MGAT5: variants seen among roughly 807,000 people sequenced by gnomAD.
MGAT5 encodes the protein alpha-1,6-mannosylglycoprotein 6-beta-N-acetylglucosaminyltransferase A.
In MGAT5, 30 loss-of-function variants were observed where a neutral mutation model predicts 94.3. The observed-to-expected ratio is 0.32, with a 90% confidence interval of 0.24 to 0.43. The LOEUF (loss-of-function observed/expected upper bound fraction) is 0.43. Among genes scored for constraint, MGAT5 ranks in the 20% least tolerant of loss-of-function variants. MGAT5 has a pLI of 1.00. For missense variants in MGAT5, 691 were observed against 905.5 expected (o/e 0.76, Z 3.04); for synonymous variants, 310 against 322.9 (o/e 0.96, Z 0.43).
At chr2:134,188,168 T>C (rs1328954641) in intron 1 of MGAT5, among the ~76,000 whole-genome samples, 1 of 152,224 alleles carries the variant, frequency 6.6e-6, no homozygotes, top group Non-Finnish European at 1.5e-5. Flanking sequence ...AATTTTGCCA[T>C]CAAAAAGCAC....
chr2:134,227,195 GA>G (rs1271545924), intron 1 of MGAT5, among the ~76,000 whole-genome samples: 1 of 152,130 alleles, frequency 6.6e-6, no homozygotes, highest in African/African-American at 2.4e-5. Context: ...CTTTCCCACT[GA>G]AAAGAGACAT....
At chr2:134,422,553 C>T (rs1448255800) in intron 12 of MGAT5, among the ~76,000 whole-genome samples, 1 of 152,116 alleles carries the variant, frequency 6.6e-6, no homozygotes, top group Non-Finnish European at 1.5e-5. Context: ...ATGTTGGGGG[C>T]TAAAGCCTCC....
intron 1 of MGAT5, among the ~76,000 whole-genome samples, chr2:134,242,383 T>C (rs145817587): frequency 0.011 from 1,750 of 152,334 alleles, 40 homozygotes; most frequent in African/African-American, 0.039. Flanking sequence ...AACTATGCCA[T>C]TTATGTATAT....
At chr2:134,261,123 C>T (rs1457800529) in intron 1 of MGAT5, among the ~76,000 whole-genome samples, 1 of 152,142 alleles carries the variant, frequency 6.6e-6, no homozygotes, top group African/African-American at 2.4e-5. Flanking sequence ...CATTCTTCTA[C>T]CCCTCAGTCA....
chr2:134,174,661 A>G (rs887607965), intron 1 of MGAT5, among the ~76,000 whole-genome samples: 2 of 152,260 alleles, frequency 1.3e-5, no homozygotes, highest in Non-Finnish European at 2.9e-5. Context: ...ACTAGATGGC[A>G]AGTCTTAAAC....
chr2:134,169,108 G>A (rs1688080153), intron 1 of MGAT5, among the ~76,000 whole-genome samples: 1 of 152,150 alleles, frequency 6.6e-6, no homozygotes, highest in South Asian at 2.1e-4. Context: ...ATACTTTGGG[G>A]GAGGGCAAAG....
rs181660862 is a variant in MGAT5 at position 134,411,649 on chromosome 2, G to A, written c.1531-1220G>A. On this transcript the variant is annotated intron_variant, in intron 11 of 15. Coordinates refer to ENST00000281923, the MANE Select transcript of MGAT5 (RefSeq NM_002410.5). ...AGGGTTGGCCTGACACATGCAGCCC[G>A]GCAGCTTGGGCCTGGCACCCTCCAG... Among the ~76,000 whole-genome samples the A allele has an allele frequency of 1.1e-3, 174 of 152,266 alleles. 1 individual carries two copies. The highest frequency in any genetic ancestry group is 4.0e-3 in the African/African-American group (167 of 41,562).
At chr2:134,432,102 T>C (rs1336510240) in intron 14 of MGAT5, among the ~76,000 whole-genome samples, 1 of 152,216 alleles carries the variant, frequency 6.6e-6, no homozygotes, top group Non-Finnish European at 1.5e-5. Context: ...TGTGGGCTTG[T>C]TAAGGTTTTC....
intron 1 of MGAT5, among the ~76,000 whole-genome samples, chr2:134,260,833 G>A (rs115786304): frequency 0.012 from 1,823 of 151,916 alleles, 41 homozygotes; most frequent in African/African-American, 0.042. Flanking sequence ...GAAAAAAATA[G>A]CTGGGCTGTT....
intron 2 of MGAT5, among the ~76,000 whole-genome samples, chr2:134,281,918 C>T (rs747465031): frequency 3.3e-5 from 5 of 152,280 alleles, no homozygotes; most frequent in African/African-American, 7.2e-5. Context: ...GCAGTTGGGT[C>T]GAGGCAAGGA....
intron 2 of MGAT5, among the ~76,000 whole-genome samples, chr2:134,281,199 T>C (rs1411809168): frequency 3.9e-5 from 6 of 152,224 alleles, no homozygotes; most frequent in African/African-American, 7.2e-5. Flanking sequence ...CATATTGAGA[T>C]CCTGGTCCAA....
At chr2:134,409,258 A>G (rs887754608) in intron 11 of MGAT5, among the ~76,000 whole-genome samples, 1 of 152,186 alleles carries the variant, frequency 6.6e-6, no homozygotes, top group Non-Finnish European at 1.5e-5. Context: ...CCTCACAGCA[A>G]CCCCATGAAA....
chr2:134,441,224 G>A (rs951939440), intron 14 of MGAT5, among the ~76,000 whole-genome samples: 4 of 152,194 alleles, frequency 2.6e-5, no homozygotes, highest in African/African-American at 4.8e-5. Flanking sequence ...TCTCCTTGGC[G>A]TGATCTTCAC....
intron 10 of MGAT5, among the ~76,000 whole-genome samples, chr2:134,375,048 C>T (rs1435795362): frequency 6.6e-6 from 1 of 152,204 alleles, no homozygotes; most frequent in East Asian, 1.9e-4. Flanking sequence ...GTAATTTGTA[C>T]TGCTGGCCAG....
chr2:134,131,604 T>C (rs1298484482), intron 1 of MGAT5, among the ~76,000 whole-genome samples: 1 of 123,866 alleles, frequency 8.1e-6, no homozygotes, highest in Non-Finnish European at 1.6e-5. Flanking sequence ...TTTTTTTTAC[T>C]ATTGGCCTCT....
intron 1 of MGAT5, among the ~76,000 whole-genome samples, chr2:134,171,236 T>C (rs1688193356): frequency 6.6e-6 from 1 of 152,222 alleles, no homozygotes; most frequent in African/African-American, 2.4e-5. Context: ...ACAAGGAATC[T>C]ATTTGAAAAA....
At chr2:134,367,443 T>G (rs148083413) in intron 10 of MGAT5, among the ~76,000 whole-genome samples, 2 of 152,380 alleles carry the variant, frequency 1.3e-5, no homozygotes, top group East Asian at 3.9e-4. Flanking sequence ...TACATTTTAC[T>G]GGAACATGGC....
intron 1 of MGAT5, among the ~76,000 whole-genome samples, chr2:134,207,204 AT>A (rs1471285784): frequency 1.3e-5 from 2 of 152,120 alleles, no homozygotes; most frequent in Non-Finnish European, 2.9e-5. Flanking sequence ...CCTCTTCCGC[AT>A]TTAAGGACGC....
intron 1 of MGAT5, among the ~76,000 whole-genome samples, chr2:134,196,818 T>G (rs1185539676): frequency 1.3e-5 from 2 of 152,242 alleles, no homozygotes; most frequent in Non-Finnish European, 2.9e-5. Context: ...GTTCTTCTAG[T>G]GCGGCCCTTT....
Sources: gnomAD v4.1 joint callset for allele counts (sites outside exome capture counted in the v4.1 genomes callset) on GRCh38, gnomAD v4.1.1 for gene constraint, MANE v1.5 for transcripts, NCBI Gene and HGNC (gene_info 2026-07-23, HGNC 2026-07-21) for gene names.